The following CENPT variants were observed in gnomAD, a reference collection of about 807,000 sequenced individuals.
CENPT encodes centromere protein T, also known as interphase centromere complex protein 22.
CENPT carries 42 observed loss-of-function variants against 59.7 expected under a neutral mutation model. The observed-to-expected ratio is 0.70, with a 90% CI of 0.55 to 0.91. CENPT has a LOEUF of 0.91. CENPT is among the 40% of genes least tolerant of loss of function. The pLI is 0.00. For missense variants in CENPT, 716 were observed against 713.4 expected, an observed-to-expected ratio of 1.00 and a Z score of -0.04; for synonymous variants, 295 against 289.6, an observed-to-expected ratio of 1.02 and a Z score of -0.19.
rs373838948 is a variant in CENPT at position 67,844,673 on chromosome 16, GAT to G, written c.-492+2726_-492+2727del. Among the ~76,000 whole-genome samples, 48 of 152,334 alleles carry G rather than the reference GAT, an allele frequency of 3.2e-4. No individual in the cohort carries two copies. The East Asian group carries it at 8.7e-3, about 28-fold the overall frequency. ...CTTCAGGCACAAGGACTGTTGTATAGATACCTTGGCCTTGGTACACCTTCGGT... is the reference window on the plus strand; with the variant it reads ...CTTCAGGCACAAGGACTGTTGTATAGACCTTGGCCTTGGTACACCTTCGGT... On this transcript the variant is annotated intron_variant, in intron 1 of 15. Coordinates refer to ENST00000562787, the MANE Select transcript of CENPT (RefSeq NM_025082.4).
At position 67,842,862 on chromosome 16, in the gene CENPT, G is replaced by GGCA. The variant is rs754326743; in HGVS notation, c.-492+4536_-492+4538dup. 131 of 1,608,038 alleles carry GGCA rather than the reference G, an allele frequency of 8.1e-5. No homozygotes were observed. The highest frequency in any genetic ancestry group is 1.1e-4 in the African/African-American group (8 of 74,598). On this transcript the variant is annotated intron_variant, in intron 1 of 15. Transcript: ENST00000562787. The surrounding 1 kb of genome is among the most constrained non-coding windows in gnomAD (Gnocchi z 4.9). ...GCTGGGGCCGCGGCCGCCCGCCGCA[G>GGCA]GCAGCAGCAGCAACAGCAGCAGCAG...
At chr16:67,829,053 C>T in intron 13 of CENPT, 1 of 554,946 alleles carries the variant, frequency 1.8e-6, no homozygotes. Flanking sequence ...CCACAGTCGA[C>T]TCGACATCCT....
Position 67,828,496 on chromosome 16 carries a change from C to T in CENPT, c.1540G>A (p.Asp514Asn), listed in dbSNP as rs1401172596. The change falls in exon 15 of 16, where the codon GAC becomes AAC. Residue 514 changes from aspartate (D) to asparagine (N), a missense_variant. Asp to Asn is a conservative substitution (Grantham distance 23). Coordinates refer to ENST00000562787, the MANE Select transcript of CENPT (RefSeq NM_025082.4). ...HAGRKTVKPE[D>N]LELLMRRQGL... The stretch of plus-strand genomic sequence containing the variant: ...CACCGCCGCATCAGCAGCTCCAGGT[C>T]CTCTGGCTTCACAGTCTTGCGGCCA... 2 of 1,614,114 alleles carry T rather than the reference C, an allele frequency of 1.2e-6. No homozygotes were observed. Among genetic ancestry groups the T allele is most frequent in the Non-Finnish European group, 1.7e-6 (2 of 1,180,050 alleles).
At chr16:67,830,211 C>G (rs2057672426) in intron 11 of CENPT, 123 bp from the exon 12 acceptor site, 2 of 1,224,174 alleles carry the variant, frequency 1.6e-6, no homozygotes, top group African/African-American at 1.5e-5. Flanking sequence ...AAGCCAGAGG[C>G]AGCACCAGGA....
intron 1 of CENPT, among the ~76,000 whole-genome samples, chr16:67,841,010 CAT>C (rs66882634): frequency 0.052 from 5,667 of 109,102 alleles, 143 homozygotes; most frequent in Non-Finnish European, 0.065. Context: ...ATACAAAATA[CAT>C]ATATATATAT....
chr16:67,829,307 TG>T lies in CENPT; in HGVS notation c.1280+115del, dbSNP rs2151283256. ...GAGCTCTCCCCAGCCCAGCTGAAGCTGCCCTGCTGGGTAATCATCTGCATAC... is the reference window on the plus strand; with the variant it reads ...GAGCTCTCCCCAGCCCAGCTGAAGCTCCCTGCTGGGTAATCATCTGCATAC... On this transcript the variant is annotated intron_variant, in intron 13 of 15. Transcript: ENST00000562787. The T allele has an allele frequency of 3.7e-6, 3 of 813,314 alleles. No homozygotes were observed. The South Asian group carries it at 6.3e-5, about 17-fold the overall frequency. The allele number at this position is 813,314 out of a possible 1,614,324, so 50.4% of individuals were successfully genotyped here.
chr16:67,832,206 C>T (rs777263098), intron 6 of CENPT, 22 bp downstream of exon 6: 16 of 1,613,270 alleles, frequency 9.9e-6, no homozygotes, highest in South Asian at 3.3e-5. Context: ...TAACTCTGAC[C>T]GGCAGGCCAG....
chr16:67,829,839 T>G lies in CENPT; in HGVS notation c.1112A>C (p.Glu371Ala). The G allele has an allele frequency of 6.2e-7, 1 of 1,614,256 alleles. No homozygotes were observed. The highest frequency in any genetic ancestry group is 8.5e-7 in the Non-Finnish European group (1 of 1,180,036). Residue 371 changes from glutamate to alanine, a missense_variant, in exon 12 of 16, where the codon GAG (glutamate) becomes GCG (alanine). Coordinates refer to ENST00000562787, the MANE Select transcript of CENPT (RefSeq NM_025082.4). ...AEGHTEVTEAEGSQGTAEADG... is the reference protein window; with the variant it reads ...AEGHTEVTEAAGSQGTAEADG... ...AGCCTCAGCAGTCCCCTGGGATCCCTCTGCTTCTGTCACCTCTGTGTGTCC... is the reference window on the plus strand; with the variant it reads ...AGCCTCAGCAGTCCCCTGGGATCCCGCTGCTTCTGTCACCTCTGTGTGTCC...
chr16:67,840,887 T>TCCTA (rs2057756559), intron 1 of CENPT, among the ~76,000 whole-genome samples: 1 of 151,164 alleles, frequency 6.6e-6, no homozygotes, highest in Admixed American at 6.6e-5. Context: ...GGCGCCGTGA[T>TCCTA]CCTAGCTCAC....
At position 67,831,563 on chromosome 16, in the gene CENPT, C is replaced by T. The variant is rs371104081; in HGVS notation, c.560+13G>A. On this transcript the variant is annotated intron_variant, in intron 9 of 15. Coordinates refer to ENST00000562787, the MANE Select transcript of CENPT (RefSeq NM_025082.4). The stretch of plus-strand genomic sequence containing the variant: ...CCACCCACTCCCAGAACAGGAAACA[C>T]CCAGAGCAGCACCTGGTGAGGGAAG... The T allele has an allele frequency of 1.2e-6, 2 of 1,614,020 alleles. No individual in the cohort carries two copies. The highest frequency in any genetic ancestry group is 1.7e-6 in the Non-Finnish European group (2 of 1,179,944).
At chr16:67,830,150 G>T in intron 11 of CENPT, 62 bp from the exon 12 acceptor site, 1 of 1,517,388 alleles carries the variant, frequency 6.6e-7, no homozygotes, top group Non-Finnish European at 9.1e-7. Flanking sequence ...ATAGCTCAGA[G>T]AAGGGTAAAG....
At chr16:67,830,241 G>A (rs748430833) in intron 11 of CENPT, 149 bp downstream of exon 11, 46 of 1,232,382 alleles carry the variant, frequency 3.7e-5, no homozygotes, top group Admixed American at 9.9e-5. Context: ...GAAGTCTCCT[G>A]GCCCAACATG....
rs769411999 is a variant in CENPT at position 67,831,289 on chromosome 16, T to C, written c.630A>G (p.Arg210=). Residue 210 remains arginine (R), a synonymous_variant, in exon 10 of 16, where the codon AGA becomes AGG. Coordinates refer to ENST00000562787, the MANE Select transcript of CENPT (RefSeq NM_025082.4). ...QSVQRPGLAR[R]PPARRAVDVG... ...CGTCTACAGCTCGGCGGGCTGGAGG[T>C]CTGCGGGCCAAGCCAGGCCTCTGCA... 6.2e-7 allele frequency: 1 copy of C among 1,613,862 alleles called. No individual in the cohort carries two copies. Among genetic ancestry groups the C allele is most frequent in the South Asian group, 1.1e-5 (1 of 91,052 alleles).
rs1444784177 is a variant in CENPT, at chr16:67,831,240, G to C, written c.679C>G (p.Arg227Gly). 2 of 1,614,094 alleles carry C rather than the reference G, an allele frequency of 1.2e-6. No individual in the cohort carries two copies. Among genetic ancestry groups the C allele is most frequent in the South Asian group, 1.1e-5 (1 of 91,084 alleles). Reference protein sequence around the residue: ...VDVGAFLRDLRDTSLAPPNIV... With the variant: ...VDVGAFLRDLGDTSLAPPNIV... ...CTTGGAGGAGCCAGGGAAGTATCTC[G>C]CAGATCCCGCAAAAAGGCACCCACG... Residue 227 changes from arginine to glycine, a missense_variant, in exon 10 of 16, where the codon CGA becomes GGA. Coordinates refer to ENST00000562787, the MANE Select transcript of CENPT (RefSeq NM_025082.4).
At chr16:67,830,233 A>G in intron 11 of CENPT, 145 bp from the exon 12 acceptor site, 2 of 1,223,994 alleles carry the variant, frequency 1.6e-6, no homozygotes, top group Non-Finnish European at 2.3e-6. Context: ...ATGGATCTGA[A>G]GTCTCCTGGC....
intron 13 of CENPT, chr16:67,829,116 C>T (rs888733936): frequency 9.6e-6 from 5 of 519,800 alleles, no homozygotes; most frequent in Non-Finnish European, 1.3e-5. Flanking sequence ...GACTCCAGGC[C>T]TTAGAATGGA....
At chr16:67,836,279 C>G (rs562911004) in intron 1 of CENPT, among the ~76,000 whole-genome samples, 1 of 151,308 alleles carries the variant, frequency 6.6e-6, no homozygotes, top group Admixed American at 6.6e-5. Flanking sequence ...CCAAGATGGT[C>G]TTGACCTCCT....
intron 1 of CENPT, chr16:67,841,867 CT>C (rs1412387773): frequency 2.6e-5 from 4 of 152,376 alleles, no homozygotes; most frequent in Non-Finnish European, 5.9e-5. Context: ...ATGCCGTCGA[CT>C]CAAAGGGGCT....
chr16:67,842,531 CG>C lies in CENPT; in HGVS notation c.-492+4869del. 2 of 1,483,086 alleles carry C rather than the reference CG, an allele frequency of 1.3e-6. No individual in the cohort carries two copies. The highest frequency in any genetic ancestry group is 1.3e-5 in the South Asian group (1 of 75,212). The allele number at this position is 1,483,086 out of a possible 1,614,324, so 91.9% of individuals were successfully genotyped here. On this transcript the variant is annotated intron_variant, in intron 1 of 15. Coordinates refer to ENST00000562787, the MANE Select transcript of CENPT (RefSeq NM_025082.4). The surrounding 1 kb of genome is among the most constrained non-coding windows in gnomAD (Gnocchi z 4.9). ...CGAAGAGCGCAGGAGGCCGGTGGGC[CG>C]GGCCGGGCCGCGCGGCGCAGCCATG...
Sources: allele counts gnomAD v4.1 joint callset (sites outside exome capture counted in the v4.1 genomes callset), GRCh38; gene constraint gnomAD v4.1.1; non-coding constraint Gnocchi (gnomAD v3.1); transcripts MANE v1.5; gene names NCBI Gene and HGNC (gene_info 2026-07-23, HGNC 2026-07-21).